NCALD: variants seen among roughly 807,000 people sequenced by gnomAD.
The protein encoded by NCALD is neurocalcin delta.
NCALD carries 10 observed loss-of-function variants against 18.6 expected under a neutral mutation model. The ratio of observed to expected loss-of-function variants is 0.54; its 90% CI spans 0.33 to 0.91. NCALD has a LOEUF of 0.91. Ranked by LOEUF, NCALD falls within the 40% of genes least tolerant of loss-of-function variation. The probability of loss-of-function intolerance (pLI) is 0.03; values close to 1 mark genes in which losing one functional copy is unlikely to be tolerated. For missense variants in NCALD, 184 were observed against 247.6 expected, an observed-to-expected ratio of 0.74 and a Z score of 1.72; for synonymous variants, 88 against 87.4, an observed-to-expected ratio of 1.01 and a Z score of -0.04.
intron 2 of NCALD, among the ~76,000 whole-genome samples, chr8:102,003,162 A>T (rs1821546313): frequency 6.6e-6 from 1 of 152,222 alleles, no homozygotes; most frequent in African/African-American, 2.4e-5. Flanking sequence ...AAGAGAGAAG[A>T]ATCAAACAGA....
intron 1 of NCALD, among the ~76,000 whole-genome samples, chr8:102,078,536 C>G (rs999412855): frequency 2.6e-5 from 4 of 152,248 alleles, no homozygotes; most frequent in Non-Finnish European, 4.4e-5. Flanking sequence ...TCTTGCCTCT[C>G]AGACCTCAAA....
chr8:102,095,474 T>A (rs1825061677), intron 1 of NCALD, among the ~76,000 whole-genome samples: 1 of 152,210 alleles, frequency 6.6e-6, no homozygotes, highest in Non-Finnish European at 1.5e-5. Flanking sequence ...ATTTTGAGCA[T>A]CTGTTAGGCT....
In NCALD at chr8:102,022,166, A is replaced by G. The variant is rs980229475; in HGVS notation, c.-209-1877T>C. On this transcript the variant is annotated intron_variant, in intron 1 of 6. Coordinates refer to the NCALD transcript ENST00000311028. ...ATAGAAACCAGAGGTCGGGGAGCCC[A>G]TTGATGGGATCCATGGAGACCAGCC... Among the ~76,000 whole-genome samples the G allele has an allele frequency of 4.3e-4, 65 of 152,106 alleles. 4 individuals are homozygous for G. The highest frequency in any genetic ancestry group is 4.4e-5 in the Non-Finnish European group (3 of 68,010).
chr8:101,938,346 A>G (rs1818837335), intron 2 of NCALD, among the ~76,000 whole-genome samples: 1 of 152,180 alleles, frequency 6.6e-6, no homozygotes, highest in African/African-American at 2.4e-5. Context: ...TCTTATGCCC[A>G]CTTAAGAGAT....
rs762419093 is a variant in NCALD at position 101,689,409 on chromosome 8, A to G, written c.485-3T>C. On this transcript the variant is annotated splice_region_variant and splice_polypyrimidine_tract_variant and intron_variant, in intron 3 of 3. Transcript: ENST00000220931. This position sits in a 1 kb window ranked among gnomAD's most constrained non-coding sequence, Gnocchi z 4.4. ...GAACTCTTCCAGGGAGAGTTTTCCT[A>G]GGAAGCAAGAGGACAGGTGAGTGGT... 1.3e-6 allele frequency: 2 copies of G among 1,593,284 alleles called. No homozygotes were observed. Among genetic ancestry groups the G allele is most frequent in the Admixed American group, 1.7e-5 (1 of 57,152 alleles).
At chr8:101,696,705 C>T (rs1375571438) in intron 2 of NCALD, among the ~76,000 whole-genome samples, 1 of 152,170 alleles carries the variant, frequency 6.6e-6, no homozygotes. Context: ...CCAAATTTAC[C>T]TCTCTTCCCT....
intron 2 of NCALD, among the ~76,000 whole-genome samples, chr8:101,991,812 G>A (rs910724733): frequency 6.6e-6 from 1 of 152,184 alleles, no homozygotes; most frequent in African/African-American, 2.4e-5. Flanking sequence ...GTGCCATGGA[G>A]GACCCAGAAC....
intron 2 of NCALD, among the ~76,000 whole-genome samples, chr8:101,930,622 T>C (rs1324218933): frequency 6.6e-6 from 1 of 151,762 alleles, no homozygotes; most frequent in Non-Finnish European, 1.5e-5. Context: ...TTTAATAAAT[T>C]AGGAGAGCTC....
chr8:101,956,750 A>C (rs1819643146), intron 2 of NCALD, among the ~76,000 whole-genome samples: 1 of 152,102 alleles, frequency 6.6e-6, no homozygotes, highest in Admixed American at 6.6e-5. Flanking sequence ...ACCTCACAAA[A>C]CTGAGTAAGA....
At chr8:101,756,111 G>T (rs1344193274) in intron 1 of NCALD, among the ~76,000 whole-genome samples, 2 of 151,176 alleles carry the variant, frequency 1.3e-5, no homozygotes, top group African/African-American at 4.9e-5. Flanking sequence ...CAAGACAAAT[G>T]TCAGAAAATC....
At chr8:101,876,361 T>G (rs752982191) in intron 4 of NCALD, among the ~76,000 whole-genome samples, 1 of 152,248 alleles carries the variant, frequency 6.6e-6, no homozygotes, top group Non-Finnish European at 1.5e-5. Flanking sequence ...TTGATTATTA[T>G]GAACACTAGT....
At chr8:101,871,874 T>G (rs1816034503) in intron 4 of NCALD, 2 of 643,518 alleles carry the variant, frequency 3.1e-6, no homozygotes, top group African/African-American at 3.6e-5. Context: ...GGGACAGAGC[T>G]CTGCACTGAA....
chr8:102,087,272 C>T (rs985604645), intron 1 of NCALD, among the ~76,000 whole-genome samples: 1 of 152,058 alleles, frequency 6.6e-6, no homozygotes, highest in East Asian at 1.9e-4. Flanking sequence ...GTGAAGAAAC[C>T]CCCCAACCCA....
Position 102,010,433 on chromosome 8 carries a change from T to C in NCALD, c.-157+9804A>G, listed in dbSNP as rs1022535398. Among the ~76,000 whole-genome samples the C allele has an allele frequency of 2.0e-5, 3 of 152,232 alleles. No individual in the cohort carries two copies. In the East Asian group the frequency reaches 5.8e-4, roughly 29 times the overall value. On this transcript the variant is annotated intron_variant, in intron 2 of 6. Coordinates refer to the NCALD transcript ENST00000311028. ...AATTATGACATCATAAAGTCTGAGC[T>C]TTTTAAATTTGGTTTTTTAATTAAA...
chr8:101,924,445 T>A (rs1234750967), intron 2 of NCALD, among the ~76,000 whole-genome samples: 1 of 152,200 alleles, frequency 6.6e-6, no homozygotes, highest in East Asian at 1.9e-4. Flanking sequence ...ATTTAACAAG[T>A]TTGGCAATTT....
Position 102,087,554 on chromosome 8 carries a change from G to A in NCALD, c.-210+36683C>T, listed in dbSNP as rs140974877. On this transcript the variant is annotated intron_variant, in intron 1 of 6. Coordinates refer to the NCALD transcript ENST00000311028. Reference sequence around the variant, plus strand: ...GACGCTTGACCAAACTTGGGTTTGAGGCCCAACTTAAGAAGGTTAGAATCC... The same window carrying A: ...GACGCTTGACCAAACTTGGGTTTGAAGCCCAACTTAAGAAGGTTAGAATCC... Among the ~76,000 whole-genome samples the A allele has an allele frequency of 3.7e-3, 563 of 152,270 alleles. 4 individuals carry two copies. The highest frequency in any genetic ancestry group is 0.013 in the African/African-American group (532 of 41,536).
At chr8:101,996,309 A>G (rs1278733803) in intron 2 of NCALD, among the ~76,000 whole-genome samples, 2 of 152,248 alleles carry the variant, frequency 1.3e-5, no homozygotes, top group Non-Finnish European at 2.9e-5. Flanking sequence ...AACTGAAGCT[A>G]TGTAATCAAG....
At chr8:101,980,815 T>A (rs1172014945) in intron 2 of NCALD, among the ~76,000 whole-genome samples, 1 of 152,214 alleles carries the variant, frequency 6.6e-6, no homozygotes, top group Non-Finnish European at 1.5e-5. Context: ...ACCATCCAGA[T>A]TGCATAGCCA....
chr8:102,038,982 G>T (rs1386482182), intron 1 of NCALD, among the ~76,000 whole-genome samples: 4 of 152,306 alleles, frequency 2.6e-5, no homozygotes, highest in African/African-American at 9.6e-5. Context: ...TACTTGGCAA[G>T]GAATCACAGG....
Sources: allele counts gnomAD v4.1 joint callset (sites outside exome capture counted in the v4.1 genomes callset), GRCh38; gene constraint gnomAD v4.1.1; non-coding constraint Gnocchi (gnomAD v3.1); transcripts MANE v1.5; gene names NCBI Gene and HGNC (gene_info 2026-07-23, HGNC 2026-07-21).